Variants in GRIK2 observed in about 807,000 individuals in gnomAD.
GRIK2 encodes the protein glutamate ionotropic receptor kainate type subunit 2, also known as glutamate receptor ionotropic, kainate 2.
Under a neutral mutation model 100.3 loss-of-function variants are expected in GRIK2, and 32 were observed. That is an observed-to-expected ratio of 0.32 (90% CI 0.24 to 0.43). GRIK2 has a LOEUF of 0.43. Among genes scored for constraint, GRIK2 ranks in the 20% least tolerant of loss-of-function variants. GRIK2 has a pLI of 1.00. For synonymous variants in GRIK2, 417 were observed against 389.4 expected (o/e 1.07, Z -0.83); for missense variants, 843 against 1,114.9 (o/e 0.76, Z 3.47).
At chr6:101,424,951 T>C (rs1476584221) in intron 2 of GRIK2, among the ~76,000 whole-genome samples, 2 of 152,214 alleles carry the variant, frequency 1.3e-5, no homozygotes, top group Non-Finnish European at 2.9e-5. Flanking sequence ...TACATTTTCT[T>C]AATCCAGTCT....
At chr6:101,400,364 G>T (rs1288773386) in intron 2 of GRIK2, among the ~76,000 whole-genome samples, 1 of 152,212 alleles carries the variant, frequency 6.6e-6, no homozygotes, top group Non-Finnish European at 1.5e-5. Context: ...CGTGGGCGAT[G>T]CTCAGGTTCT....
chr6:101,653,510 A>T (rs1281954564), intron 4 of GRIK2, among the ~76,000 whole-genome samples: 1 of 152,072 alleles, frequency 6.6e-6, no homozygotes, highest in Admixed American at 6.6e-5. Context: ...CTCATTACTA[A>T]CGTCTTTGTG....
chr6:101,677,428 C>T (rs950440712), intron 5 of GRIK2, among the ~76,000 whole-genome samples: 1 of 152,030 alleles, frequency 6.6e-6, no homozygotes, highest in African/African-American at 2.4e-5. Flanking sequence ...ACCAACCAAA[C>T]AAACAAACAA....
intron 2 of GRIK2, among the ~76,000 whole-genome samples, chr6:101,512,482 A>G (rs566755403): frequency 6.6e-6 from 1 of 152,280 alleles, no homozygotes; most frequent in South Asian, 2.1e-4. Flanking sequence ...AAATTATGCC[A>G]ACATTTTTAA....
intron 2 of GRIK2, among the ~76,000 whole-genome samples, chr6:101,513,369 T>A (rs1201821236): frequency 1.3e-5 from 2 of 152,164 alleles, no homozygotes; most frequent in African/African-American, 4.8e-5. Flanking sequence ...TGAAGTCTTA[T>A]AGTGGCTGTC....
intron 4 of GRIK2, among the ~76,000 whole-genome samples, chr6:101,653,284 G>T (rs1277225897): frequency 6.6e-6 from 1 of 151,976 alleles, no homozygotes; most frequent in East Asian, 2.0e-4. Context: ...GTCTTCCCTG[G>T]CAACACACAC....
rs757182073 is a variant in GRIK2 at position 101,737,902 on chromosome 6, AG to A, written c.951+51551del. Among the ~76,000 whole-genome samples the A allele has an allele frequency of 6.4e-4, 98 of 152,306 alleles. 2 individuals are homozygous for A. Among genetic ancestry groups the A allele is most frequent in the Middle Eastern group, 3.4e-3 (1 of 294 alleles). ...ATTCATGTCAGAATTGATTAAAATC[AG>A]GAAACATTTTCAATGTCAACAGGAT... On this transcript the variant is annotated intron_variant, in intron 7 of 16. Transcript: ENST00000369134.
chr6:101,837,065 T>G (rs1783173968), intron 10 of GRIK2, among the ~76,000 whole-genome samples: 1 of 152,160 alleles, frequency 6.6e-6, no homozygotes. Context: ...TTTCTTAACA[T>G]TAGTTAACAT....
chr6:102,066,028 A>G (rs1045007249), intron 16 of GRIK2: 2 of 560,720 alleles, frequency 3.6e-6, no homozygotes, highest in Non-Finnish European at 5.7e-6. Flanking sequence ...GCAGAACTGC[A>G]TAATTTAACA....
chr6:101,969,736 G>A (rs993689180), intron 14 of GRIK2, among the ~76,000 whole-genome samples: 1 of 151,960 alleles, frequency 6.6e-6, no homozygotes, highest in African/African-American at 2.4e-5. Context: ...TACATATATA[G>A]GATTGTGTGT....
chr6:101,700,846 T>G (rs950867006), intron 7 of GRIK2, among the ~76,000 whole-genome samples: 3 of 152,058 alleles, frequency 2.0e-5, no homozygotes, highest in African/African-American at 7.2e-5. Context: ...TAAGGACTGG[T>G]ATAGAGCCCA....
At chr6:101,820,848 C>T (rs1187854115) in intron 10 of GRIK2, among the ~76,000 whole-genome samples, 1 of 152,126 alleles carries the variant, frequency 6.6e-6, no homozygotes, top group Non-Finnish European at 1.5e-5. Flanking sequence ...CATTAAGTTG[C>T]CTGTGTCTTG....
rs910182330 is a variant in GRIK2 at position 101,574,994 on chromosome 6, A to G, written c.116-46955A>G. Reference sequence around the variant, plus strand: ...TCAAGAGTTACTTCTTTCAAATGCAAATATGTTGCACCTACTAAAAGTGTT... The same window carrying G: ...TCAAGAGTTACTTCTTTCAAATGCAGATATGTTGCACCTACTAAAAGTGTT... On this transcript the variant is annotated intron_variant, in intron 2 of 16. Transcript: ENST00000369134. Among the ~76,000 whole-genome samples, 8 of 151,946 alleles carry G rather than the reference A, an allele frequency of 5.3e-5. No individual in the cohort carries two copies. The East Asian group carries it at 1.4e-3, about 26-fold the overall frequency.
chr6:101,409,800 G>T (rs1261807568), intron 2 of GRIK2, among the ~76,000 whole-genome samples: 3 of 151,102 alleles, frequency 2.0e-5, no homozygotes, highest in Admixed American at 6.6e-5. Context: ...TTTTAGAGTT[G>T]AAAAAAAATT....
intron 2 of GRIK2, among the ~76,000 whole-genome samples, chr6:101,407,666 G>A (rs1775666218): frequency 6.6e-6 from 1 of 151,724 alleles, no homozygotes; most frequent in Non-Finnish European, 1.5e-5. Flanking sequence ...TTTACTCAGT[G>A]TCAAAGCTTT....
At chr6:101,499,175 A>G (rs941439386) in intron 2 of GRIK2, among the ~76,000 whole-genome samples, 3 of 152,142 alleles carry the variant, frequency 2.0e-5, no homozygotes, top group African/African-American at 4.8e-5. Flanking sequence ...TTTTATTAAT[A>G]CTGTTATAAA....
intron 7 of GRIK2, among the ~76,000 whole-genome samples, chr6:101,700,025 A>C (rs975756344): frequency 3.3e-5 from 5 of 151,900 alleles, no homozygotes; most frequent in African/African-American, 1.2e-4. Context: ...TTTCACACGC[A>C]TGTAGTCCCA....
chr6:101,800,298 A>G lies in GRIK2; in HGVS notation c.1095+507A>G, dbSNP rs565035694. ...GTTATATAATGCAACCATTCTTATG[A>G]CCATATATCATTTCTGACTATGTCT... On this transcript the variant is annotated intron_variant, in intron 8 of 16. Transcript: ENST00000369134. 1.3e-4 allele frequency among the ~76,000 whole-genome samples: 19 copies of G among 151,960 alleles called. 1 individual carries two copies. Among genetic ancestry groups the G allele is most frequent in the African/African-American group, 2.9e-4 (12 of 41,572 alleles).
At chr6:101,545,603 A>AT (rs796318747) in intron 2 of GRIK2, among the ~76,000 whole-genome samples, 2 of 152,144 alleles carry the variant, frequency 1.3e-5, no homozygotes, top group Non-Finnish European at 2.9e-5. Context: ...ACTTGGCTTG[A>AT]TTTTACAGAA....
Sources: gnomAD v4.1 joint callset for allele counts (sites outside exome capture counted in the v4.1 genomes callset) on GRCh38, gnomAD v4.1.1 for gene constraint, MANE v1.5 for transcripts, NCBI Gene and HGNC (gene_info 2026-07-23, HGNC 2026-07-21) for gene names.